The following ELMO2 variants were observed in gnomAD, a reference collection of about 807,000 sequenced individuals.
The protein encoded by ELMO2 is engulfment and cell motility 2, also known as engulfment and cell motility protein 2.
Under a neutral mutation model 96.2 loss-of-function variants are expected in ELMO2, and 37 were observed. The ratio of observed to expected loss-of-function variants is 0.38; its 90% CI spans 0.30 to 0.51. The LOEUF (loss-of-function observed/expected upper bound fraction) is 0.51. Among genes scored for constraint, ELMO2 ranks in the 20% least tolerant of loss-of-function variants. The pLI, the probability that ELMO2 is intolerant of heterozygous loss-of-function variation, is 0.88. For missense variants in ELMO2, 561 were observed against 912.6 expected (o/e 0.61, Z 4.96); for synonymous variants, 315 against 329.4 (o/e 0.96, Z 0.47).
intron 1 of ELMO2, among the ~76,000 whole-genome samples, chr20:46,405,535 T>C (rs1000954119): frequency 1.3e-5 from 2 of 151,952 alleles, no homozygotes; most frequent in African/African-American, 4.8e-5. Flanking sequence ...GTTCTGGATC[T>C]GACCCTACAA....
At chr20:46,377,086 A>G in intron 11 of ELMO2, 1 of 263,890 alleles carries the variant, frequency 3.8e-6, no homozygotes, top group Non-Finnish European at 7.4e-6. Context: ...CTAACTTTGG[A>G]TCAGCTCTCC....
At chr20:46,397,774 C>T (rs970360955) in intron 2 of ELMO2, among the ~76,000 whole-genome samples, 18 of 151,964 alleles carry the variant, frequency 1.2e-4, no homozygotes, top group East Asian at 1.9e-4. Context: ...AGCTTCAGAG[C>T]GAATACCATG....
intron 10 of ELMO2, chr20:46,382,326 T>G: frequency 1.6e-6 from 2 of 1,225,366 alleles, no homozygotes; most frequent in Non-Finnish European, 2.1e-6. Context: ...GAAGGCAGAT[T>G]AACAGAGCCA....
intron 1 of ELMO2, among the ~76,000 whole-genome samples, chr20:46,400,891 C>T (rs1298674307): frequency 1.3e-5 from 2 of 152,188 alleles, no homozygotes; most frequent in African/African-American, 4.8e-5. Flanking sequence ...CTTCACGGAG[C>T]TGGATTCTGA....
chr20:46,402,492 C>T (rs1332835955), intron 1 of ELMO2, among the ~76,000 whole-genome samples: 3 of 152,188 alleles, frequency 2.0e-5, no homozygotes, highest in African/African-American at 4.8e-5. Context: ...TGAGAGGAAA[C>T]AGAAACTGAG....
intron 19 of ELMO2, 45 bp from the exon 20 acceptor site, chr20:46,370,570 C>A (rs1049807941): frequency 3.2e-6 from 5 of 1,573,392 alleles, no homozygotes; most frequent in Non-Finnish European, 4.4e-6. Flanking sequence ...ATGCTGCAAG[C>A]TGGTCAGTGC....
Position 46,367,400 on chromosome 20 carries a change from T to C in ELMO2, c.2123A>G (p.Lys708Arg), listed in dbSNP as rs1600809795. 3 of 1,605,890 alleles carry C rather than the reference T, an allele frequency of 1.9e-6. No homozygotes were observed. Among genetic ancestry groups the C allele is most frequent in the Non-Finnish European group, 2.6e-6 (3 of 1,176,414 alleles). The change falls in exon 22 of 22, where the codon AAG (lysine) becomes AGG (arginine). Residue 708 changes from lysine to arginine, a missense_variant. Transcript: ENST00000290246. ...QIPEAPPPIP[K>R]EPSSYDFVYH... ...GACAAAGTCATAGCTGCTGGGCTCC[T>C]TGGGGATGGGGGGTGGGGCTTCGGG...
chr20:46,397,169 T>C (rs1197163094), intron 2 of ELMO2, among the ~76,000 whole-genome samples: 1 of 152,218 alleles, frequency 6.6e-6, no homozygotes, highest in Non-Finnish European at 1.5e-5. Flanking sequence ...AAAATTCGTA[T>C]ACATTTTAAA....
chr20:46,370,654 G>A (rs1479133663), intron 19 of ELMO2, 129 bp from the exon 20 acceptor site: 2 of 836,602 alleles, frequency 2.4e-6, no homozygotes, highest in East Asian at 2.5e-5. Context: ...AAGGGCTGCT[G>A]TATGAGCTCA....
chr20:46,391,898 CAT>C (rs56901505), intron 6 of ELMO2, among the ~76,000 whole-genome samples: 20,378 of 152,176 alleles, frequency 0.13, 2,099 homozygotes, highest in African/African-American at 0.29. Context: ...TTAAAAAGCA[CAT>C]CTTTTTGACT....
chr20:46,389,157 C>T lies in ELMO2; in HGVS notation c.307G>A (p.Ala103Thr), dbSNP rs1285880351. ...GAGAGCTTGGCCAGCTCCTTCATGGCATCCAGCCGGGTCTCCATGTTGGAT... is the reference window on the plus strand; with the variant it reads ...GAGAGCTTGGCCAGCTCCTTCATGGTATCCAGCCGGGTCTCCATGTTGGAT... ...QSSNMETRLDAMKELAKLSAD... is the reference protein window; with the variant it reads ...QSSNMETRLDTMKELAKLSAD... Residue 103 changes from alanine to threonine, a missense_variant, in exon 7 of 22, where the codon GCC (alanine) becomes ACC (threonine). Ala to Thr is a moderately conservative substitution (Grantham distance 58). Coordinates refer to ENST00000290246, the MANE Select transcript of ELMO2 (RefSeq NM_133171.5). 1.2e-6 allele frequency: 2 copies of T among 1,614,200 alleles called. No individual in the cohort carries two copies. Among genetic ancestry groups the T allele is most frequent in the African/African-American group, 1.3e-5 (1 of 75,062 alleles).
chr20:46,379,902 A>G (rs2059925641), intron 11 of ELMO2: 1 of 193,190 alleles, frequency 5.2e-6, no homozygotes, highest in African/African-American at 2.3e-5. Context: ...TGCCCTACAC[A>G]ATTCAGATTT....
At chr20:46,389,648 C>T (rs2060115727) in intron 6 of ELMO2, among the ~76,000 whole-genome samples, 1 of 152,084 alleles carries the variant, frequency 6.6e-6, no homozygotes, top group African/African-American at 2.4e-5. Flanking sequence ...AGGAGTTAGA[C>T]ACCAGCCTGG....
intron 5 of ELMO2, 138 bp from the exon 6 acceptor site, chr20:46,393,281 G>T: frequency 1.0e-6 from 1 of 961,198 alleles, no homozygotes; most frequent in Non-Finnish European, 1.6e-6. Flanking sequence ...CTCTTCTCCT[G>T]CTTATTCCTT....
At chr20:46,396,079 T>C (rs2060240117) in intron 2 of ELMO2, among the ~76,000 whole-genome samples, 2 of 152,290 alleles carry the variant, frequency 1.3e-5, no homozygotes, top group African/African-American at 2.4e-5. Flanking sequence ...GTTGGCCTTA[T>C]GGCCCCCAAG....
intron 10 of ELMO2, chr20:46,382,246 C>T (rs759671329): frequency 3.2e-5 from 41 of 1,289,656 alleles, no homozygotes; most frequent in South Asian, 1.1e-4. Context: ...CTTGTCCTGC[C>T]GGCAGAAAGC....
chr20:46,400,219 G>C (rs1340795315), intron 1 of ELMO2, among the ~76,000 whole-genome samples: 2 of 152,200 alleles, frequency 1.3e-5, no homozygotes, highest in Non-Finnish European at 2.9e-5. Flanking sequence ...ATCAGGGTTA[G>C]CACCCCTAAC....
At chr20:46,387,564 G>T in intron 7 of ELMO2, 127 bp from the exon 8 acceptor site, 1 of 503,156 alleles carries the variant, frequency 2.0e-6, no homozygotes, top group Non-Finnish European at 3.7e-6. Flanking sequence ...CGATGCAACT[G>T]TAACTGTAAG....
intron 16 of ELMO2, 76 bp from the exon 17 acceptor site, chr20:46,372,045 C>T: frequency 6.3e-7 from 1 of 1,582,178 alleles, no homozygotes; most frequent in South Asian, 1.1e-5. Context: ...AGCACCAAGG[C>T]TCTTTCCTGC....
Sources: allele counts gnomAD v4.1 joint callset (sites outside exome capture counted in the v4.1 genomes callset), GRCh38; gene constraint gnomAD v4.1.1; transcripts MANE v1.5; gene names NCBI Gene and HGNC (gene_info 2026-07-23, HGNC 2026-07-21).